Variants in SLC22A9 observed in about 807,000 individuals in gnomAD.
SLC22A9 encodes the protein organic anion transporter 7.
Under a neutral mutation model 50.1 loss-of-function variants are expected in SLC22A9, and 64 were observed. The ratio of observed to expected loss-of-function variants is 1.28; its 90% CI spans 1.04 to 1.57. The LOEUF (loss-of-function observed/expected upper bound fraction) is 1.57. Among genes scored for constraint, SLC22A9 ranks in the 40% most tolerant of loss-of-function variants. The probability of loss-of-function intolerance (pLI) is 0.00; values close to 1 mark genes in which losing one functional copy is unlikely to be tolerated. For missense variants in SLC22A9, 757 were observed against 676.1 expected (o/e 1.12, Z -1.33); for synonymous variants, 261 against 242.5 (o/e 1.08, Z -0.71).
chr11:63,403,314 G>C (rs1330270565), intron 6 of SLC22A9, among the ~76,000 whole-genome samples: 1 of 152,016 alleles, frequency 6.6e-6, no homozygotes, highest in African/African-American at 2.4e-5. Flanking sequence ...AACAGAGAGT[G>C]GGATGATATG....
In SLC22A9 at chr11:63,370,115, A is replaced by C; in HGVS notation, c.59A>C (p.Gln20Pro). ...GACCTGTGGAGATTCCAGATCCTTC[A>C]GACTGTTTTTCTCTCAATCTTTGCT... ...AGDLWRFQIL[Q>P]TVFLSIFAVA... Residue 20 changes from glutamine (Q) to proline (P), a missense_variant, in exon 1 of 10, where the codon CAG becomes CCG. Gln to Pro is a moderately conservative substitution (Grantham distance 76, BLOSUM62 -1). Transcript: ENST00000279178. 1 of 1,613,988 alleles carries C rather than the reference A, an allele frequency of 6.2e-7. No individual in the cohort carries two copies. The highest frequency in any genetic ancestry group is 8.5e-7 in the Non-Finnish European group (1 of 1,179,918).
intron 6 of SLC22A9, among the ~76,000 whole-genome samples, chr11:63,387,343 T>C (rs2014687172): frequency 6.6e-6 from 1 of 152,108 alleles, no homozygotes; most frequent in African/African-American, 2.4e-5. Context: ...AGGATCTAGT[T>C]TCATTCTTCT....
chr11:63,395,505 C>T (rs981196940), intron 6 of SLC22A9, among the ~76,000 whole-genome samples: 2 of 152,132 alleles, frequency 1.3e-5, no homozygotes, highest in African/African-American at 4.8e-5. Flanking sequence ...ATCTAGCCAT[C>T]CAACAAGTCT....
intron 5 of SLC22A9, among the ~76,000 whole-genome samples, chr11:63,380,194 C>G (rs941200423): frequency 2.2e-4 from 34 of 152,120 alleles, no homozygotes; most frequent in African/African-American, 8.2e-4. Context: ...ATAACAGATG[C>G]TGGTGAGACT....
At chr11:63,382,673 T>C (rs61927996) in intron 6 of SLC22A9, among the ~76,000 whole-genome samples, 2,635 of 152,232 alleles carry the variant, frequency 0.017, 43 homozygotes, top group Middle Eastern at 0.044. Flanking sequence ...TAGATCAAGG[T>C]ACATAAAAAC....
At chr11:63,400,232 T>C (rs1429861444) in intron 6 of SLC22A9, among the ~76,000 whole-genome samples, 3 of 151,876 alleles carry the variant, frequency 2.0e-5, no homozygotes, top group Non-Finnish European at 2.9e-5. Context: ...AAAGTTGTTT[T>C]GTGAAAAATA....
In SLC22A9 at chr11:63,382,289, G is replaced by A; in HGVS notation, c.1073+12G>A. The A allele has an allele frequency of 6.3e-7, 1 of 1,588,696 alleles. No individual in the cohort carries two copies. The highest frequency in any genetic ancestry group is 8.6e-7 in the Non-Finnish European group (1 of 1,166,216). ...CTGTCCTTTACGAGGTAAGCTTCAT[G>A]CAGTGTTTGAGGGTAAGTTACAGTA... On this transcript the variant is annotated intron_variant, in intron 6 of 9. Coordinates refer to ENST00000279178, the MANE Select transcript of SLC22A9 (RefSeq NM_080866.3).
intron 6 of SLC22A9, among the ~76,000 whole-genome samples, chr11:63,399,055 A>C (rs757628461): frequency 3.3e-5 from 5 of 152,232 alleles, no homozygotes; most frequent in Non-Finnish European, 7.3e-5. Context: ...AATAGTCTCT[A>C]ATAGATACAT....
chr11:63,370,152 C>A lies in SLC22A9; in HGVS notation c.96C>A (p.Tyr32Ter), dbSNP rs774855765. 8 of 1,614,042 alleles carry A rather than the reference C, an allele frequency of 5.0e-6. No individual in the cohort carries two copies. Among genetic ancestry groups the A allele is most frequent in the Non-Finnish European group, 6.8e-6 (8 of 1,179,940 alleles). Residue 32 changes from tyrosine (Y) to a stop codon, truncating the protein, a stop_gained, in exon 1 of 10, where the codon TAC (tyrosine) becomes TAA (stop). Coordinates refer to ENST00000279178, the MANE Select transcript of SLC22A9 (RefSeq NM_080866.3). LOFTEE classifies it high-confidence loss of function. ...TCTCAATCTTTGCTGTTGCTACATA[C>A]CTTCATTTTATGCTGGAGAACTTCA... The part of the protein sequence containing the change: ...VFLSIFAVAT[Y>*]LHFMLENFTA...
intron 6 of SLC22A9, among the ~76,000 whole-genome samples, chr11:63,388,774 A>G (rs947064082): frequency 6.6e-6 from 1 of 151,884 alleles, no homozygotes; most frequent in Non-Finnish European, 1.5e-5. Context: ...TTAAATTTTG[A>G]TAAAATTCAG....
chr11:63,398,358 G>A (rs2014895760), intron 6 of SLC22A9, among the ~76,000 whole-genome samples: 1 of 152,152 alleles, frequency 6.6e-6, no homozygotes, highest in African/African-American at 2.4e-5. Flanking sequence ...GGTCCCCCGA[G>A]TTCACTGATC....
intron 2 of SLC22A9, among the ~76,000 whole-genome samples, 193 bp from the exon 3 acceptor site, chr11:63,373,451 A>G (rs933393374): frequency 6.6e-6 from 1 of 152,082 alleles, no homozygotes; most frequent in Non-Finnish European, 1.5e-5. Context: ...ATAAGCTTTG[A>G]TCTACTTGGT....
intron 6 of SLC22A9, among the ~76,000 whole-genome samples, chr11:63,387,970 G>A (rs1380033492): frequency 6.6e-6 from 1 of 151,976 alleles, no homozygotes; most frequent in Non-Finnish European, 1.5e-5. Flanking sequence ...ATATAGAAAT[G>A]CTATTGATTT....
chr11:63,372,970 C>T (rs1461136784), intron 2 of SLC22A9, among the ~76,000 whole-genome samples: 1 of 152,094 alleles, frequency 6.6e-6, no homozygotes, highest in Non-Finnish European at 1.5e-5. Context: ...TAATCTCTTT[C>T]TAGCAGTAGC....
Position 63,370,013 on chromosome 11 carries a change from T to C in SLC22A9, c.-44T>C. 6.4e-7 allele frequency: 1 copy of C among 1,571,212 alleles called. No homozygotes were observed. The highest frequency in any genetic ancestry group is 8.6e-7 in the Non-Finnish European group (1 of 1,157,754). On this transcript the variant is annotated 5_prime_UTR_variant, in exon 1 of 10. Transcript: ENST00000279178. Reference sequence around the variant, plus strand: ...TTTTCCCTCTTTGAACCTCTCTGGATACAGTCATTTTGCCTCTACTTGAGG... The same window carrying C: ...TTTTCCCTCTTTGAACCTCTCTGGACACAGTCATTTTGCCTCTACTTGAGG...
At chr11:63,371,109 G>A in intron 1 of SLC22A9, 26 bp from the exon 2 acceptor site, 1 of 1,546,450 alleles carries the variant, frequency 6.5e-7, no homozygotes, top group Non-Finnish European at 8.9e-7. Flanking sequence ...AATAAGCATT[G>A]ATGTGCTGGC....
Position 63,408,752 on chromosome 11 carries a change from G to A in SLC22A9, c.1474G>A (p.Val492Met), listed in dbSNP as rs369829202. Residue 492 changes from valine to methionine, a missense_variant, in exon 9 of 10, where the codon GTG (valine) becomes ATG (methionine). Transcript: ENST00000279178. ...ALAPLMMILS[V>M]YSPPLPWIIY... ...GGCTCCCCTCATGATGATCCTAAGT[G>A]TGTATTCTCCACCCCTGCCCTGGAT... 1.9e-6 allele frequency: 3 copies of A among 1,614,002 alleles called. No homozygotes were observed. The highest frequency in any genetic ancestry group is 2.2e-5 in the East Asian group (1 of 44,870).
intron 6 of SLC22A9, among the ~76,000 whole-genome samples, chr11:63,394,498 G>A (rs554304079): frequency 1.3e-5 from 2 of 152,098 alleles, no homozygotes; most frequent in African/African-American, 4.8e-5. Flanking sequence ...AGTTTCACTG[G>A]ATACAAAATT....
intron 5 of SLC22A9, among the ~76,000 whole-genome samples, chr11:63,379,091 T>C (rs2014516711): frequency 6.6e-6 from 1 of 152,002 alleles, no homozygotes; most frequent in Admixed American, 6.6e-5. Flanking sequence ...AACAAAGCTG[T>C]AGGCATCACA....
Sources: gnomAD v4.1 joint callset for allele counts (sites outside exome capture counted in the v4.1 genomes callset) on GRCh38, gnomAD v4.1.1 for gene constraint, MANE v1.5 for transcripts, NCBI Gene and HGNC (gene_info 2026-07-23, HGNC 2026-07-21) for gene names.